Variants in GPATCH11 observed in about 807,000 individuals in gnomAD.
The protein encoded by GPATCH11 is G-patch domain containing 11.
A neutral mutation model predicts 44.8 loss-of-function variants in GPATCH11; 32 were observed. The ratio of observed to expected loss-of-function variants is 0.71; its 90% CI spans 0.54 to 0.96. The LOEUF (loss-of-function observed/expected upper bound fraction) is 0.96, where lower values mean the gene tolerates loss of function less well. GPATCH11 is among the 40% of genes least tolerant of loss of function. The probability of loss-of-function intolerance (pLI) is 0.00; values close to 1 mark genes in which losing one functional copy is unlikely to be tolerated. For synonymous variants in GPATCH11, 84 were observed against 94.4 expected, an observed-to-expected ratio of 0.89 and a Z score of 0.64; for missense variants, 324 against 303.1, an observed-to-expected ratio of 1.07 and a Z score of -0.51.
intron 6 of GPATCH11, among the ~76,000 whole-genome samples, chr2:37,093,137 C>A (rs541921411): frequency 3.9e-5 from 6 of 152,176 alleles, no homozygotes; most frequent in Non-Finnish European, 7.4e-5. Context: ...CAGAGTGAGA[C>A]CCTGTCTCAA....
At chr2:37,087,564 A>C (rs1673109335) in intron 1 of GPATCH11, among the ~76,000 whole-genome samples, 1 of 152,232 alleles carries the variant, frequency 6.6e-6, no homozygotes, top group Admixed American at 6.5e-5. Flanking sequence ...CATGATTTTA[A>C]CTATTTTGGA....
chr2:37,085,768 TCA>T (rs1476185644), intron 1 of GPATCH11, among the ~76,000 whole-genome samples: 1 of 152,208 alleles, frequency 6.6e-6, no homozygotes, highest in African/African-American at 2.4e-5. Flanking sequence ...ATTTGTTATC[TCA>T]CAGTTTCTAT....
In GPATCH11 at chr2:37,090,716, A is replaced by G. The variant is rs1673276911; in HGVS notation, c.322A>G (p.Lys108Glu). The G allele has an allele frequency of 6.9e-7, 1 of 1,439,226 alleles. No homozygotes were observed. Among genetic ancestry groups the G allele is most frequent in the Non-Finnish European group, 9.5e-7 (1 of 1,049,028 alleles). The allele number at this position is 1,439,226 out of a possible 1,614,324, so 89.2% of individuals were successfully genotyped here. The change falls in exon 4 of 9, where the codon AAA becomes GAA. Residue 108 changes from lysine (K) to glutamate (E), a missense_variant. Lys to Glu is a moderately conservative substitution (Grantham distance 56). Transcript: ENST00000674370. Reference sequence around the variant, plus strand: ...TGTTGAACCAATTCCTCTCAATATCAAAACAGGTACGTAATTATTTTGGAG... The same window carrying G: ...TGTTGAACCAATTCCTCTCAATATCGAAACAGGTACGTAATTATTTTGGAG... ...GIVEPIPLNI[K>E]TGKSGIGHEA...
intron 4 of GPATCH11, 102 bp from the exon 5 acceptor site, chr2:37,091,789 TGTACTCAAATGATTTGTGAGTGATA>T (rs1371048294): frequency 8.1e-6 from 6 of 741,912 alleles, no homozygotes; most frequent in African/African-American, 7.0e-5. Context: ...CTACTATTAG[TGTACTCAAATGATTTGTGAGTGATA>T]GTACTCAAAT....
chr2:37,093,261 G>A (rs1388263902), intron 6 of GPATCH11, among the ~76,000 whole-genome samples: 1 of 152,196 alleles, frequency 6.6e-6, no homozygotes, highest in Non-Finnish European at 1.5e-5. Flanking sequence ...TTGAGAGGAC[G>A]AGGCTGCAGG....
rs182077978 is a variant in GPATCH11, at chr2:37,088,626, C to T, written c.59+186C>T. Among the ~76,000 whole-genome samples, 14 of 152,292 alleles carry T rather than the reference C, an allele frequency of 9.2e-5. No homozygotes were observed. The East Asian group carries it at 2.7e-3, about 29-fold the overall frequency. ...AAACTCTCCAGGCTCAGGAGATCCT[C>T]CCATCTTGGCCTCCCGAGTAGTTGG... On this transcript the variant is annotated intron_variant, in intron 2 of 8. Coordinates refer to ENST00000674370, the MANE Select transcript of GPATCH11 (RefSeq NM_174931.4).
At chr2:37,090,773 G>C (rs1673280859) in intron 4 of GPATCH11, 51 bp downstream of exon 4, 1 of 858,340 alleles carries the variant, frequency 1.2e-6, no homozygotes, top group African/African-American at 1.7e-5. Context: ...CTTACGCTTA[G>C]GTCTACCACA....
Position 37,089,694 on chromosome 2 carries a change from A to G in GPATCH11, c.114A>G (p.Arg38=), listed in dbSNP as rs1317039747. ...TAAGGCAAATCCGAGAAGCCCGTCG[A>G]AAAGAAGAAAAGCAACAGGAAGCCA... The part of the protein sequence containing the change: ...PMLRQIREAR[R]KEEKQQEANL... The change falls in exon 3 of 9, where the codon CGA becomes CGG. Residue 38 remains arginine, a synonymous_variant. Transcript: ENST00000674370. 8 of 1,551,726 alleles carry G rather than the reference A, an allele frequency of 5.2e-6. No homozygotes were observed. Among genetic ancestry groups the G allele is most frequent in the Non-Finnish European group, 7.0e-6 (8 of 1,147,034 alleles).
chr2:37,089,574 T>TA (rs371385606), intron 2 of GPATCH11, 66 bp from the exon 3 acceptor site: 98,469 of 921,680 alleles, frequency 0.11, 80 homozygotes, highest in African/African-American at 0.12. Context: ...TCTCAAAAAA[T>TA]AAAAAAAAAA....
Position 37,089,570 on chromosome 2 carries a change from A to G in GPATCH11, c.60-70A>G, listed in dbSNP as rs186406763. The G allele has an allele frequency of 2.3e-5, 28 of 1,233,744 alleles. No individual in the cohort carries two copies. In the East Asian group the frequency reaches 6.8e-4, roughly 30 times the overall value. 76.4% of individuals were successfully genotyped at this position (1,233,744 alleles called of 1,614,324 possible). A position where few individuals can be genotyped will look rare whatever the true frequency, so the allele number is the denominator to read the frequency against. On this transcript the variant is annotated intron_variant, in intron 2 of 8. Coordinates refer to ENST00000674370, the MANE Select transcript of GPATCH11 (RefSeq NM_174931.4). ...CAACAAGAGCGAAACTCCGTCTCAA[A>G]AAATAAAAAAAAAAAAAAAGAAAAG...
At position 37,088,405 on chromosome 2, in the gene GPATCH11, A is replaced by G; in HGVS notation, c.24A>G (p.Glu8=). The change falls in exon 2 of 9, where the codon GAA becomes GAG. Residue 8 remains glutamate, a synonymous_variant. Transcript: ENST00000674370. ...ATATGAAGTTGAACATGGCAGAAGA[A>G]GAGGACTATATGTCTGATTCCTTCA... MKLNMAE[E]EDYMSDSFIN... The G allele has an allele frequency of 1.3e-6, 2 of 1,575,632 alleles. No homozygotes were observed. The highest frequency in any genetic ancestry group is 8.7e-7 in the Non-Finnish European group (1 of 1,151,036).
chr2:37,091,991 T>A lies in GPATCH11; in HGVS notation c.404T>A (p.Ile135Asn), dbSNP rs1321294644. The change falls in exon 5 of 9, where the codon ATT becomes AAT. Residue 135 changes from isoleucine (I) to asparagine (N), a missense_variant. Transcript: ENST00000674370. ...AAATTGGAAAGCTACAGAAAAAAGA[T>A]TCACATGAAAAACCAAGCTGAAGAA... ...EEKLESYRKK[I>N]HMKNQAEEKA... 1 of 1,613,222 alleles carries A rather than the reference T, an allele frequency of 6.2e-7. No homozygotes were observed. Among genetic ancestry groups the A allele is most frequent in the Non-Finnish European group, 8.5e-7 (1 of 1,179,498 alleles).
In GPATCH11 at chr2:37,098,472, A is replaced by G. The variant is rs1459868039; in HGVS notation, c.*2209A>G. 6.6e-6 allele frequency: 1 copy of G among 152,048 alleles called. No individual in the cohort carries two copies. The highest frequency in any genetic ancestry group is 1.5e-5 in the Non-Finnish European group (1 of 68,024). The allele number at this position is 152,048 out of a possible 1,614,324, so 9.4% of individuals were successfully genotyped here. Reference sequence around the variant, plus strand: ...GTGTCATTTCAGCCAACATACCAACATTCAGTCAAATCCCAAAGCCAAATG... The same window carrying G: ...GTGTCATTTCAGCCAACATACCAACGTTCAGTCAAATCCCAAAGCCAAATG... On this transcript the variant is annotated 3_prime_UTR_variant, in exon 9 of 9. Coordinates refer to ENST00000674370, the MANE Select transcript of GPATCH11 (RefSeq NM_174931.4).
intron 3 of GPATCH11, 119 bp from the exon 4 acceptor site, chr2:37,090,562 A>AT: frequency 1.6e-6 from 1 of 609,590 alleles, no homozygotes; most frequent in Non-Finnish European, 2.9e-6. Flanking sequence ...TCAGATTTCA[A>AT]TTTTGAATAT....
Position 37,084,527 on chromosome 2 carries a change from G to A in GPATCH11, c.-57G>A. 2 of 1,232,582 alleles carry A rather than the reference G, an allele frequency of 1.6e-6. No homozygotes were observed. Among genetic ancestry groups the A allele is most frequent in the Non-Finnish European group, 2.0e-6 (2 of 988,316 alleles). 76.4% of individuals were successfully genotyped at this position (1,232,582 alleles called of 1,614,324 possible). A position where few individuals can be genotyped will look rare whatever the true frequency, so the allele number is the denominator to read the frequency against. The stretch of plus-strand genomic sequence containing the variant: ...GCTGGTCGGTGGGCGCATGCGCAGC[G>A]CGCGCTCTACGGCGCTGAACCGGGG... On this transcript the variant is annotated 5_prime_UTR_variant, in exon 1 of 9. Coordinates refer to ENST00000674370, the MANE Select transcript of GPATCH11 (RefSeq NM_174931.4).
At position 37,084,519 on chromosome 2, in the gene GPATCH11, T is replaced by C. The variant is rs1258095425; in HGVS notation, c.-65T>C. 1 of 1,232,432 alleles carries C rather than the reference T, an allele frequency of 8.1e-7. No homozygotes were observed. Among genetic ancestry groups the C allele is most frequent in the Non-Finnish European group, 1.0e-6 (1 of 988,278 alleles). The allele number at this position is 1,232,432 out of a possible 1,614,324, so 76.3% of individuals were successfully genotyped here. A position where few individuals can be genotyped will look rare whatever the true frequency, so the allele number is the denominator to read the frequency against. On this transcript the variant is annotated 5_prime_UTR_variant, in exon 1 of 9. It removes an upstream start codon present in the reference 5' UTR. Transcript: ENST00000674370. ...AGTCCGACGCTGGTCGGTGGGCGCA[T>C]GCGCAGCGCGCGCTCTACGGCGCTG...
At position 37,091,908 on chromosome 2, in the gene GPATCH11, T is replaced by C. The variant is rs1341581311; in HGVS notation, c.329-8T>C. The C allele has an allele frequency of 1.2e-6, 2 of 1,605,612 alleles. No individual in the cohort carries two copies. The highest frequency in any genetic ancestry group is 8.5e-7 in the Non-Finnish European group (1 of 1,175,074). ...GATGTTTCTCATCAGAATTTTCTGT[T>C]TGAATAGGGAAAAGTGGCATTGGTC... On this transcript the variant is annotated splice_polypyrimidine_tract_variant and splice_region_variant and intron_variant, in intron 4 of 8. Transcript: ENST00000674370.
intron 6 of GPATCH11, 60 bp downstream of exon 6, chr2:37,092,315 GTTTA>G (rs1311323837): frequency 5.0e-6 from 2 of 401,078 alleles, no homozygotes; most frequent in Admixed American, 5.1e-5. Flanking sequence ...GTGATTTCCC[GTTTA>G]TTTATTATAT....
chr2:37,088,564 G>T, intron 2 of GPATCH11, 124 bp downstream of exon 2: 2 of 540,946 alleles, frequency 3.7e-6, no homozygotes, highest in South Asian at 3.1e-5. Context: ...TAGCAAGGCT[G>T]GAGTGCAGTG....
Sources: allele counts gnomAD v4.1 joint callset (sites outside exome capture counted in the v4.1 genomes callset), GRCh38; gene constraint gnomAD v4.1.1; transcripts MANE v1.5; gene names NCBI Gene and HGNC (gene_info 2026-07-23, HGNC 2026-07-21).